ARHGEF18: variants seen among roughly 807,000 people sequenced by gnomAD.
ARHGEF18 encodes the protein Rho/Rac guanine nucleotide exchange factor 18, also known as rho guanine nucleotide exchange factor 18.
ARHGEF18 carries 93 observed loss-of-function variants against 155.7 expected under a neutral mutation model. The observed-to-expected ratio is 0.60, with a 90% CI of 0.50 to 0.71. The LOEUF (loss-of-function observed/expected upper bound fraction) is 0.71, where lower values mean the gene tolerates loss of function less well. Among genes scored for constraint, ARHGEF18 ranks in the 30% least tolerant of loss-of-function variants. ARHGEF18 has a pLI of 0.00. For missense variants in ARHGEF18, 1,593 were observed against 1,816.1 expected, an observed-to-expected ratio of 0.88 and a Z score of 2.23; for synonymous variants, 742 against 753.1, an observed-to-expected ratio of 0.99 and a Z score of 0.24.
intron 10 of ARHGEF18, among the ~76,000 whole-genome samples, chr19:7,389,317 ATTT>A (rs1203819709): frequency 3.7e-4 from 42 of 112,988 alleles, no homozygotes; most frequent in African/African-American, 1.4e-3. Context: ...TACCAGGATA[ATTT>A]TTTTTTTTTT....
chr19:7,449,970 A>G (rs1385933576), intron 15 of ARHGEF18, among the ~76,000 whole-genome samples: 1 of 152,128 alleles, frequency 6.6e-6, no homozygotes, highest in African/African-American at 2.4e-5. Flanking sequence ...GAACCACCAC[A>G]TCTGTCCTTT....
intron 10 of ARHGEF18, among the ~76,000 whole-genome samples, chr19:7,407,340 C>T (rs183538689): frequency 1.5e-4 from 22 of 150,814 alleles, no homozygotes; most frequent in Admixed American, 6.6e-4. Flanking sequence ...GCAGGAGAAT[C>T]GCTGGAACCC....
At chr19:7,402,192 G>A (rs1443602004) in intron 10 of ARHGEF18, among the ~76,000 whole-genome samples, 2 of 152,104 alleles carry the variant, frequency 1.3e-5, no homozygotes, top group African/African-American at 4.8e-5. Flanking sequence ...AGGCCAAGAC[G>A]GGCAGATCAC....
At chr19:7,418,792 A>G (rs1163789777) in intron 10 of ARHGEF18, among the ~76,000 whole-genome samples, 4 of 151,794 alleles carry the variant, frequency 2.6e-5, no homozygotes, top group Admixed American at 6.6e-5. Context: ...CAAGGGGGAG[A>G]GAGGGAGGAG....
intron 8 of ARHGEF18, among the ~76,000 whole-genome samples, chr19:7,382,446 T>C (rs1244882907): frequency 8.6e-6 from 1 of 116,058 alleles, no homozygotes; most frequent in Non-Finnish European, 1.7e-5. Context: ...GCCAATTAGA[T>C]ACCGGGTGGG....
chr19:7,393,857 G>C (rs2145525208), intron 10 of ARHGEF18, among the ~76,000 whole-genome samples: 1 of 149,384 alleles, frequency 6.7e-6, no homozygotes, highest in East Asian at 2.0e-4. Flanking sequence ...TGACATATTT[G>C]GGGGTTACCT....
chr19:7,433,998 G>C (rs1178738553), intron 10 of ARHGEF18, among the ~76,000 whole-genome samples: 1 of 146,742 alleles, frequency 6.8e-6, no homozygotes, highest in Admixed American at 6.9e-5. Flanking sequence ...CAACCTGGGC[G>C]ACAGAGTGAG....
At chr19:7,424,151 C>G (rs1226809751) in intron 10 of ARHGEF18, among the ~76,000 whole-genome samples, 1 of 152,046 alleles carries the variant, frequency 6.6e-6, no homozygotes, top group Admixed American at 6.6e-5. Flanking sequence ...CTCAGCCTCC[C>G]GAGTAGCTGG....
intron 1 of ARHGEF18, among the ~76,000 whole-genome samples, chr19:7,356,526 G>A (rs1335653288): frequency 2.0e-5 from 3 of 151,886 alleles, no homozygotes; most frequent in Non-Finnish European, 2.9e-5. Context: ...CACCTGCCTC[G>A]GCCTCCCAAA....
intron 1 of ARHGEF18, chr19:7,355,847 C>A: frequency 3.0e-6 from 1 of 329,060 alleles, no homozygotes; most frequent in African/African-American, 2.2e-5. Context: ...ACCCCTGATT[C>A]TCCAGGGCCC....
downstream of ARHGEF18, among the ~76,000 whole-genome samples, chr19:7,473,587 A>G (rs1194261843): frequency 5.3e-5 from 8 of 152,174 alleles, no homozygotes; most frequent in East Asian, 1.9e-4. Flanking sequence ...CAAGGTGGGC[A>G]GATTACGAGG....
intron 14 of ARHGEF18, among the ~76,000 whole-genome samples, chr19:7,446,788 T>TGG: frequency 6.7e-6 from 1 of 150,204 alleles, no homozygotes; most frequent in African/African-American, 2.5e-5. Flanking sequence ...CCCAGCTACT[T>TGG]GGGAGACTAC....
chr19:7,395,572 TC>T lies in ARHGEF18; in HGVS notation c.967+12371del, dbSNP rs1426743575. Reference sequence around the variant, plus strand: ...GGGTCACTTGGGCCCCAGCCTCTGCTCCTCGTTCAGGAGCGCCCGGGGCAGG... The same window carrying T: ...GGGTCACTTGGGCCCCAGCCTCTGCTCTCGTTCAGGAGCGCCCGGGGCAGG... On this transcript the variant is annotated intron_variant, in intron 10 of 28. Transcript: ENST00000668164. The surrounding 1 kb of genome is among the most constrained non-coding windows in gnomAD (Gnocchi z 5.0). 2.6e-5 allele frequency among the ~76,000 whole-genome samples: 4 copies of T among 152,042 alleles called. No individual in the cohort carries two copies. The highest frequency in any genetic ancestry group is 2.0e-4 in the Admixed American group (3 of 15,278).
At chr19:7,458,816 G>A (rs1340548977) in intron 19 of ARHGEF18, 126 bp downstream of exon 19, 3 of 1,106,218 alleles carry the variant, frequency 2.7e-6, no homozygotes, top group South Asian at 1.9e-5. Flanking sequence ...GACCCATGAC[G>A]CCATTCCAGC....
chr19:7,414,959 C>T (rs1183900478), intron 10 of ARHGEF18, among the ~76,000 whole-genome samples: 2 of 152,124 alleles, frequency 1.3e-5, no homozygotes, highest in Admixed American at 6.6e-5. Flanking sequence ...CGTGCCACTG[C>T]ACTCCAGCCT....
rs1404083785 is a variant in ARHGEF18 at position 7,352,691 on chromosome 19, G to T, written c.-111+3450G>T. 3.3e-5 allele frequency among the ~76,000 whole-genome samples: 5 copies of T among 150,730 alleles called. No individual in the cohort carries two copies. The East Asian group carries it at 7.8e-4, about 23-fold the overall frequency. The stretch of plus-strand genomic sequence containing the variant: ...TGGGAATACAGGTGCCTGCCACCAC[G>T]CCCGGCTATTTTTTTGTATTTTCAG... On this transcript the variant is annotated intron_variant, in intron 1 of 28. Coordinates refer to ENST00000668164, the MANE Select transcript of ARHGEF18 (RefSeq NM_001367823.1).
intron 10 of ARHGEF18, among the ~76,000 whole-genome samples, chr19:7,389,968 G>A (rs1971304879): frequency 6.6e-6 from 1 of 152,120 alleles, no homozygotes; most frequent in Non-Finnish European, 1.5e-5. Context: ...TTGGGAGGCT[G>A]AGGCAGGAGG....
chr19:7,365,689 C>G (rs7508422), intron 2 of ARHGEF18, among the ~76,000 whole-genome samples: 85,390 of 152,076 alleles, frequency 0.56, 26,567 homozygotes, highest in Middle Eastern at 0.74. Context: ...TCCTGAGTCT[C>G]GATTCTCATC....
chr19:7,361,495 C>A (rs541260744), intron 1 of ARHGEF18, among the ~76,000 whole-genome samples: 12 of 152,272 alleles, frequency 7.9e-5, no homozygotes, highest in African/African-American at 1.9e-4. Flanking sequence ...TTAGCATGTA[C>A]TCCAGCAATT....
Sources: allele counts gnomAD v4.1 joint callset (sites outside exome capture counted in the v4.1 genomes callset), GRCh38; gene constraint gnomAD v4.1.1; non-coding constraint Gnocchi (gnomAD v3.1); transcripts MANE v1.5; gene names NCBI Gene and HGNC (gene_info 2026-07-23, HGNC 2026-07-21).